The following SV2C variants were observed in gnomAD, a reference collection of about 807,000 sequenced individuals.
The protein encoded by SV2C is synaptic vesicle glycoprotein 2C.
SV2C carries 49 observed loss-of-function variants against 79.7 expected under a neutral mutation model. That is an observed-to-expected ratio of 0.61 (90% CI 0.49 to 0.78). SV2C has a LOEUF of 0.78. Among genes scored for constraint, SV2C ranks in the 30% least tolerant of loss-of-function variants. SV2C has a pLI of 0.00. For synonymous variants in SV2C, 334 were observed against 333.2 expected (o/e 1.00, Z -0.03); for missense variants, 833 against 912.9 (o/e 0.91, Z 1.13).
At chr5:76,175,539 G>A (rs1419654197) in intron 2 of SV2C, among the ~76,000 whole-genome samples, 1 of 152,138 alleles carries the variant, frequency 6.6e-6, no homozygotes, top group Non-Finnish European at 1.5e-5. Context: ...ACACAGAAGA[G>A]TAACATGGTG....
the SV2C span, among the ~76,000 whole-genome samples, chr5:76,074,375 A>G: frequency 1.1e-4 from 17 of 152,006 alleles, no homozygotes; most frequent in Non-Finnish European, 2.1e-4. Flanking sequence ...CTTGCATCTT[A>G]CCAGATGCCA....
chr5:75,997,433 T>G, the SV2C span, among the ~76,000 whole-genome samples: 14 of 5,364 alleles, frequency 2.6e-3, no homozygotes, highest in Admixed American at 7.4e-3. Flanking sequence ...ATTTTTGCAA[T>G]CTACTCATCT....
the SV2C span, among the ~76,000 whole-genome samples, chr5:76,048,385 C>G: frequency 2.0e-5 from 3 of 152,182 alleles, no homozygotes; most frequent in Non-Finnish European, 2.9e-5. Flanking sequence ...TATTCAGGCC[C>G]TCAACAGATT....
chr5:76,005,734 T>C, the SV2C span, among the ~76,000 whole-genome samples: 2 of 152,152 alleles, frequency 1.3e-5, no homozygotes, highest in African/African-American at 4.8e-5. Context: ...AGCTGACAAA[T>C]GAAACCATGC....
the SV2C span, among the ~76,000 whole-genome samples, chr5:75,990,431 G>A: frequency 6.6e-6 from 1 of 151,870 alleles, no homozygotes; most frequent in African/African-American, 2.4e-5. Context: ...CCTGCATCAT[G>A]TGCACTGCGT....
chr5:76,255,258 A>C (rs190564227), intron 4 of SV2C, among the ~76,000 whole-genome samples: 372 of 152,360 alleles, frequency 2.4e-3, no homozygotes, highest in Non-Finnish European at 4.1e-3. Context: ...AAAATCATAA[A>C]GTATATGTTT....
chr5:76,150,721 T>G (rs752176468), intron 2 of SV2C, among the ~76,000 whole-genome samples: 1 of 143,800 alleles, frequency 7.0e-6, no homozygotes, highest in African/African-American at 2.6e-5. Flanking sequence ...CACTGCAGTT[T>G]CAACCTCCTG....
intron 2 of SV2C, among the ~76,000 whole-genome samples, chr5:76,172,978 C>T (rs1743367351): frequency 7.9e-6 from 1 of 127,288 alleles, no homozygotes. Context: ...TGCTGACCTT[C>T]CCTCCACTAT....
chr5:76,100,158 T>C (rs1034547091), intron 1 of SV2C, among the ~76,000 whole-genome samples: 6 of 152,202 alleles, frequency 3.9e-5, no homozygotes, highest in Non-Finnish European at 2.9e-5. Flanking sequence ...TAGTTCTGGT[T>C]TGTGTAAAGC....
At chr5:76,334,704 C>T (rs142883895), downstream of SV2C, among the ~76,000 whole-genome samples, 7 of 152,322 alleles carry the variant, frequency 4.6e-5, no homozygotes, top group Non-Finnish European at 8.8e-5. Flanking sequence ...GGAGAACATT[C>T]TCGGAATCCT....
At chr5:76,341,061 G>A (rs2937733) in intron 12 of SV2C, among the ~76,000 whole-genome samples, 99,778 of 151,288 alleles carry the variant, frequency 0.66, 33,659 homozygotes, top group East Asian at 0.93. Context: ...CTCCCGAGTA[G>A]CTGGGATTTC....
Position 76,132,254 on chromosome 5 carries a change from G to T in SV2C, c.504G>T (p.Glu168Asp). Residue 168 changes from glutamate (E) to aspartate (D), a missense_variant, in exon 2 of 13, where the codon GAG (glutamate) becomes GAT (aspartate). Coordinates refer to ENST00000502798, the MANE Select transcript of SV2C (RefSeq NM_014979.4). ...LGMALMADGV[E>D]VFVVGFVLPS... ...TGGCTCTTATGGCAGACGGTGTAGA[G>T]GTGTTTGTCGTTGGCTTCGTGTTAC... is the stretch of plus-strand genomic sequence containing the variant. 1.9e-6 allele frequency: 3 copies of T among 1,614,062 alleles called. No homozygotes were observed.
chr5:75,936,611 C>T, the SV2C span, among the ~76,000 whole-genome samples: 139 of 152,182 alleles, frequency 9.1e-4, 1 homozygote, highest in Non-Finnish European at 1.6e-3. Flanking sequence ...GTTACTTTGA[C>T]GAAGCTTGAG....
At chr5:76,066,575 G>A in the SV2C span, among the ~76,000 whole-genome samples, 1 of 151,710 alleles carries the variant, frequency 6.6e-6, no homozygotes, top group Non-Finnish European at 1.5e-5. Flanking sequence ...TGCACGTTGT[G>A]CACATGTACC....
Position 76,286,522 on chromosome 5 carries a change from T to G in SV2C, c.1137+652T>G, listed in dbSNP as rs543695475. On this transcript the variant is annotated intron_variant, in intron 6 of 12. Transcript: ENST00000502798. ...AATACATAGTAAATGGTAAAATTATTTATTGAAAACAAAAAAAAACCAGTA... is the reference window on the plus strand; with the variant it reads ...AATACATAGTAAATGGTAAAATTATGTATTGAAAACAAAAAAAAACCAGTA... Among the ~76,000 whole-genome samples the G allele has an allele frequency of 2.6e-5, 4 of 152,156 alleles. No individual in the cohort carries two copies. The South Asian group carries it at 8.3e-4, about 32-fold the overall frequency.
intron 1 of SV2C, among the ~76,000 whole-genome samples, chr5:76,087,158 A>C (rs1360941672): frequency 6.6e-6 from 1 of 152,248 alleles, no homozygotes; most frequent in Non-Finnish European, 1.5e-5. Flanking sequence ...GTGGTCCATT[A>C]GATTTTGTAT....
chr5:75,890,381 G>C, the SV2C span, among the ~76,000 whole-genome samples: 1 of 152,130 alleles, frequency 6.6e-6, no homozygotes, highest in African/African-American at 2.4e-5. Context: ...TCCTAGGAAA[G>C]GCAGAGTGGG....
the SV2C span, among the ~76,000 whole-genome samples, chr5:75,988,777 A>T: frequency 6.6e-6 from 1 of 151,942 alleles, no homozygotes; most frequent in Non-Finnish European, 1.5e-5. Flanking sequence ...GAAGGCAATT[A>T]AGAAGCAGCA....
the SV2C span, among the ~76,000 whole-genome samples, chr5:76,031,478 G>A: frequency 6.6e-6 from 1 of 152,186 alleles, no homozygotes; most frequent in African/African-American, 2.4e-5. Flanking sequence ...TGCCTGCCAG[G>A]GGCTGCTCCC....
Sources: gnomAD v4.1 joint callset for allele counts (sites outside exome capture counted in the v4.1 genomes callset) on GRCh38, gnomAD v4.1.1 for gene constraint, MANE v1.5 for transcripts, NCBI Gene and HGNC (gene_info 2026-07-23, HGNC 2026-07-21) for gene names.